The following DEPDC5 variants were observed in gnomAD, a reference collection of about 807,000 sequenced individuals.
DEPDC5 encodes the protein DEP domain containing 5, GATOR1 subcomplex subunit.
In DEPDC5, 73 loss-of-function variants were observed where a neutral mutation model predicts 217.3. The ratio of observed to expected loss-of-function variants is 0.34; its 90% confidence interval spans 0.28 to 0.41. The LOEUF is 0.41. Ranked by LOEUF, DEPDC5 falls within the 10% of genes least tolerant of loss-of-function variation. The pLI is 1.00. For synonymous variants in DEPDC5, 733 were observed against 756.7 expected, an observed-to-expected ratio of 0.97 and a Z score of 0.51; for missense variants, 1,675 against 2,070.1, an observed-to-expected ratio of 0.81 and a Z score of 3.70.
intron 41 of DEPDC5, among the ~76,000 whole-genome samples, chr22:31,902,674 C>T (rs1007831324): frequency 3.3e-5 from 5 of 151,952 alleles, no homozygotes; most frequent in East Asian, 3.9e-4. Flanking sequence ...CCTTGATGTA[C>T]GAAGTAGACA....
At chr22:31,871,129 A>G (rs1335932836) in intron 34 of DEPDC5, among the ~76,000 whole-genome samples, 1 of 152,114 alleles carries the variant, frequency 6.6e-6, no homozygotes, top group East Asian at 1.9e-4. Context: ...ATTGTGGCCA[A>G]ACATGACTGT....
intron 38 of DEPDC5, among the ~76,000 whole-genome samples, chr22:31,886,652 C>G (rs541271411): frequency 6.8e-6 from 1 of 147,802 alleles, no homozygotes; most frequent in Non-Finnish European, 1.5e-5. Context: ...CCCAGCTACT[C>G]GTGAGGCTGA....
chr22:31,898,342 A>C (rs2093590126), intron 40 of DEPDC5, among the ~76,000 whole-genome samples: 1 of 152,186 alleles, frequency 6.6e-6, no homozygotes, highest in African/African-American at 2.4e-5. Context: ...AGACGAGCTG[A>C]GCTGTACTTG....
At chr22:31,819,322 T>TGATA in intron 22 of DEPDC5, 97 bp downstream of exon 22, 1 of 1,306,972 alleles carries the variant, frequency 7.7e-7, no homozygotes, top group Admixed American at 1.9e-5. Flanking sequence ...GTGCCTCTGT[T>TGATA]GCTCCACCTG....
chr22:31,757,487 G>T (rs1420708316), intron 2 of DEPDC5: 2 of 152,126 alleles, frequency 1.3e-5, no homozygotes, highest in Non-Finnish European at 2.9e-5. Flanking sequence ...GCAACAGCAA[G>T]ACCTTATCTC....
Position 31,822,776 on chromosome 22 carries a change from G to A in DEPDC5, c.2090G>A (p.Ser697Asn). The change falls in exon 24 of 43, where the codon AGC (serine) becomes AAC (asparagine). Residue 697 changes from serine to asparagine, a missense_variant. Transcript: ENST00000651528. ...GAGGAGCTTTCTGTCGGCCTGCTTA[G>A]CAACAGTGGTGCAGGTAACCAATCC... is the stretch of plus-strand genomic sequence containing the variant. ...GTEELSVGLL[S>N]NSGAGMNPRT... 2 of 1,614,012 alleles carry A rather than the reference G, an allele frequency of 1.2e-6. No homozygotes were observed. The highest frequency in any genetic ancestry group is 1.7e-6 in the Non-Finnish European group (2 of 1,179,952).
intron 18 of DEPDC5, among the ~76,000 whole-genome samples, chr22:31,807,280 T>C (rs1267246942): frequency 6.6e-6 from 1 of 152,182 alleles, no homozygotes; most frequent in Non-Finnish European, 1.5e-5. Flanking sequence ...GAAGTGATAA[T>C]ATGCAAATAC....
chr22:31,826,285 G>A (rs918075407), intron 24 of DEPDC5, among the ~76,000 whole-genome samples: 3 of 152,184 alleles, frequency 2.0e-5, no homozygotes, highest in African/African-American at 7.2e-5. Flanking sequence ...GGGATTACAG[G>A]CATGAGCCAC....
chr22:31,778,209 A>T, intron 8 of DEPDC5, 41 bp downstream of exon 8: 1 of 1,578,350 alleles, frequency 6.3e-7, no homozygotes. Flanking sequence ...ATCTCTCCAT[A>T]CTATTATGGC....
Position 31,815,152 on chromosome 22 carries a change from C to T in DEPDC5, c.1606C>T (p.Pro536Ser), listed in dbSNP as rs751862690. 1.2e-6 allele frequency: 2 copies of T among 1,614,164 alleles called. No homozygotes were observed. The highest frequency in any genetic ancestry group is 3.3e-5 in the Admixed American group (2 of 60,014). The change falls in exon 21 of 43, where the codon CCA (proline) becomes TCA (serine). Residue 536 changes from proline (P) to serine (S), a missense_variant. Coordinates refer to ENST00000651528, the MANE Select transcript of DEPDC5 (RefSeq NM_001242896.3). ...CAAGAGTGCCAACATCCTGATGATCCCACACCCCCACCTGCACCAGTATGA... is the reference window on the plus strand; with the variant it reads ...CAAGAGTGCCAACATCCTGATGATCTCACACCCCCACCTGCACCAGTATGA... ...LGKSANILMI[P>S]HPHLHQYEVS...
At chr22:31,886,683 C>T (rs2093320401) in intron 38 of DEPDC5, among the ~76,000 whole-genome samples, 1 of 146,790 alleles carries the variant, frequency 6.8e-6, no homozygotes, top group African/African-American at 2.5e-5. Context: ...TTGCTTGAAC[C>T]TGGGAAACGG....
chr22:31,792,454 A>C (rs2085772193), intron 11 of DEPDC5, among the ~76,000 whole-genome samples: 14 of 151,814 alleles, frequency 9.2e-5, no homozygotes, highest in Admixed American at 9.2e-4. Context: ...AAAAATACAA[A>C]AATTAGCCAG....
chr22:31,851,249 C>T (rs369387332), intron 31 of DEPDC5, among the ~76,000 whole-genome samples: 1 of 152,122 alleles, frequency 6.6e-6, no homozygotes, highest in African/African-American at 2.4e-5. Context: ...GGGTATGTGG[C>T]CTCTTTATAA....
rs79070552 is a variant in DEPDC5, at chr22:31,804,175, T to C, written c.1095T>C (p.Asp365=). 32,634 of 1,613,836 alleles carry C rather than the reference T, an allele frequency of 0.02. 375 individuals carry two copies. Among genetic ancestry groups the C allele is most frequent in the African/African-American group, 0.042 (3,132 of 74,994 alleles). ...TTCTTTTTTTAGGAATTGGTGTGGA[T>C]TTGGTGTGCATGGGAGAGCAACCGT... The part of the protein sequence containing the change: ...QRMIDNGIGV[D]LVCMGEQPLH... The change falls in exon 16 of 43, where the codon GAT becomes GAC. Residue 365 remains aspartate (D), a synonymous_variant. Transcript: ENST00000651528.
chr22:31,837,114 A>G lies in DEPDC5; in HGVS notation c.2313A>G (p.Thr771=), dbSNP rs887848750. Reference sequence around the variant, plus strand: ...GCCAGGGCCTGCAGAATGACTACACAGAGGGCTGTTATGATCTCCTTCCAG... The same window carrying G: ...GCCAGGGCCTGCAGAATGACTACACGGAGGGCTGTTATGATCTCCTTCCAG... ...PDRQGLQNDY[T]EGCYDLLPEA... The change falls in exon 26 of 43, where the codon ACA becomes ACG. Residue 771 remains threonine, a synonymous_variant. Coordinates refer to ENST00000651528, the MANE Select transcript of DEPDC5 (RefSeq NM_001242896.3). 3.7e-6 allele frequency: 6 copies of G among 1,614,044 alleles called. No individual in the cohort carries two copies. The highest frequency in any genetic ancestry group is 5.1e-6 in the Non-Finnish European group (6 of 1,180,040).
At chr22:31,831,702 C>CG (rs1213946421) in intron 24 of DEPDC5, among the ~76,000 whole-genome samples, 1 of 152,184 alleles carries the variant, frequency 6.6e-6, no homozygotes, top group African/African-American at 2.4e-5. Flanking sequence ...CTTCAGTGAT[C>CG]CCCCCGCCTC....
At chr22:31,788,804 G>C (rs1394542002) in intron 10 of DEPDC5, among the ~76,000 whole-genome samples, 1 of 151,944 alleles carries the variant, frequency 6.6e-6, no homozygotes, top group Non-Finnish European at 1.5e-5. Flanking sequence ...TCGAACTTCT[G>C]ACCTCAGGTG....
At chr22:31,856,591 C>T (rs1022399755) in intron 31 of DEPDC5, among the ~76,000 whole-genome samples, 1 of 151,484 alleles carries the variant, frequency 6.6e-6, no homozygotes, top group Admixed American at 6.6e-5. Context: ...ACATCAGAAC[C>T]GAGATGGGGT....
chr22:31,778,522 C>G (rs556063332), intron 8 of DEPDC5, among the ~76,000 whole-genome samples: 2 of 152,274 alleles, frequency 1.3e-5, no homozygotes, highest in East Asian at 1.9e-4. Context: ...AAACAAAAAT[C>G]TGCTAAGCTC....
Sources: allele counts gnomAD v4.1 joint callset (sites outside exome capture counted in the v4.1 genomes callset), GRCh38; gene constraint gnomAD v4.1.1; transcripts MANE v1.5; gene names NCBI Gene and HGNC (gene_info 2026-07-23, HGNC 2026-07-21).